Variants in HIBCH observed in about 807,000 individuals in gnomAD.
The protein encoded by HIBCH is 3-hydroxyisobutyryl-CoA hydrolase, mitochondrial.
A neutral mutation model predicts 58.2 loss-of-function variants in HIBCH; 50 were observed. The ratio of observed to expected loss-of-function variants is 0.86; its 90% confidence interval spans 0.68 to 1.09. The LOEUF is 1.09. Among genes scored for constraint, HIBCH ranks in the 50% least tolerant of loss-of-function variants. The pLI, the probability that HIBCH is intolerant of heterozygous loss-of-function variation, is 0.00. For missense variants in HIBCH, 450 were observed against 449.7 expected (o/e 1.00, Z -0.01); for synonymous variants, 151 against 146.9 (o/e 1.03, Z -0.20).
At position 190,206,359 on chromosome 2, in the gene HIBCH, G is replaced by A. The variant is rs1406411875; in HGVS notation, c.1046-1127C>T. On this transcript the variant is annotated intron_variant, in intron 13 of 13. Coordinates refer to ENST00000359678, the MANE Select transcript of HIBCH (RefSeq NM_014362.4). The surrounding 1 kb of genome is among the most constrained non-coding windows in gnomAD (Gnocchi z 5.1). ...GACAGTGTAAACAAAGAACAACCCC[G>A]GCACATTTTTTCCACAAGAATCTCT... Among the ~76,000 whole-genome samples, 2 of 152,082 alleles carry A rather than the reference G, an allele frequency of 1.3e-5. No homozygotes were observed. Among genetic ancestry groups the A allele is most frequent in the South Asian group, 2.1e-4 (1 of 4,818 alleles).
chr2:190,240,835 TCTGAGAGA>T (rs1575717388), intron 11 of HIBCH, among the ~76,000 whole-genome samples: 1 of 152,236 alleles, frequency 6.6e-6, no homozygotes, highest in Non-Finnish European at 1.5e-5. Flanking sequence ...TGCACTGCGG[TCTGAGAGA>T]CTGTTATGAT....
Position 190,279,299 on chromosome 2 carries a change from A to G in HIBCH, c.438+8287T>C, listed in dbSNP as rs1436240214. 1.3e-5 allele frequency among the ~76,000 whole-genome samples: 2 copies of G among 152,152 alleles called. No individual in the cohort carries two copies. The highest frequency in any genetic ancestry group is 2.9e-5 in the Non-Finnish European group (2 of 68,024). On this transcript the variant is annotated intron_variant, in intron 6 of 13. Transcript: ENST00000359678. The surrounding 1 kb of genome is among the most constrained non-coding windows in gnomAD (Gnocchi z 4.2). ...CTGTTACATTCAGGATTAAGTTTCA[A>G]CATGAGTTTCGGTGGGGACAAATAT...
chr2:190,314,307 A>ATG (rs1491099156), intron 1 of HIBCH, among the ~76,000 whole-genome samples: 2 of 11,538 alleles, frequency 1.7e-4, no homozygotes, highest in Non-Finnish European at 6.7e-4. Context: ...ATACATATAT[A>ATG]TGTGTATATA....
At chr2:190,202,917 T>C (rs952473744), downstream of HIBCH, 1 of 167,092 alleles carries the variant, frequency 6.0e-6, no homozygotes, top group African/African-American at 2.4e-5. Flanking sequence ...ATGCCTTTGA[T>C]CCTAAAATTC....
At chr2:190,237,179 T>TA (rs1228761400) in intron 11 of HIBCH, among the ~76,000 whole-genome samples, 1 of 152,222 alleles carries the variant, frequency 6.6e-6, no homozygotes, top group Non-Finnish European at 1.5e-5. Flanking sequence ...TACAGTTGTA[T>TA]AATTAGCCCC....
chr2:190,277,404 C>CA (rs1347078745), intron 6 of HIBCH, among the ~76,000 whole-genome samples: 1 of 152,150 alleles, frequency 6.6e-6, no homozygotes, highest in Non-Finnish European at 1.5e-5. Context: ...CCGTGGGAAC[C>CA]AAGCTCTGTG....
chr2:190,269,736 G>A lies in HIBCH; in HGVS notation c.439-8502C>T, dbSNP rs573467301. On this transcript the variant is annotated intron_variant, in intron 6 of 13. Transcript: ENST00000359678. Reference sequence around the variant, plus strand: ...CCCATTACTGGGTATATACCCAAAGGATTATAAATCATTCTACTATAAAGA... The same window carrying A: ...CCCATTACTGGGTATATACCCAAAGAATTATAAATCATTCTACTATAAAGA... 3.9e-5 allele frequency among the ~76,000 whole-genome samples: 6 copies of A among 152,242 alleles called. No homozygotes were observed. In the South Asian group the frequency reaches 1.0e-3, roughly 26 times the overall value.
Position 190,318,694 on chromosome 2 carries a change from TCTATTTG to T in HIBCH, c.35+1015_35+1021del, listed in dbSNP as rs1244870072. Reference sequence around the variant, plus strand: ...CAAACATGTCTTTCCAGTTTGTTTCTCTATTTGCTATTTGCTGACAACACTGAAAAAG... The same window carrying T: ...CAAACATGTCTTTCCAGTTTGTTTCTCTATTTGCTGACAACACTGAAAAAG... On this transcript the variant is annotated intron_variant, in intron 1 of 13. Coordinates refer to ENST00000359678, the MANE Select transcript of HIBCH (RefSeq NM_014362.4). 2.0e-5 allele frequency among the ~76,000 whole-genome samples: 3 copies of T among 152,342 alleles called. No individual in the cohort carries two copies. In the East Asian group the frequency reaches 5.8e-4, roughly 29 times the overall value.
At chr2:190,300,509 T>C (rs2582749) in intron 2 of HIBCH, among the ~76,000 whole-genome samples, 108,763 of 151,726 alleles carry the variant, frequency 0.72, 39,552 homozygotes, top group Non-Finnish European at 0.75. Flanking sequence ...CATTTTTTAA[T>C]GGGGTTGTTT....
At chr2:190,311,911 C>G (rs1559067040) in intron 1 of HIBCH, among the ~76,000 whole-genome samples, 1 of 152,086 alleles carries the variant, frequency 6.6e-6, no homozygotes, top group Non-Finnish European at 1.5e-5. Context: ...ACAGCTTGAC[C>G]AAAGTGACCA....
rs72627904 is a variant in HIBCH, at chr2:190,215,164, T to C, written c.892-2089A>G. On this transcript the variant is annotated intron_variant, in intron 11 of 13. Coordinates refer to ENST00000359678, the MANE Select transcript of HIBCH (RefSeq NM_014362.4). This position sits in a 1 kb window ranked among gnomAD's most constrained non-coding sequence, Gnocchi z 4.4. ...AGCTAGATCAATTTTTAGGACCCAA[T>C]TTTTATACTTAGGCTGAGATGATGT... 0.2 allele frequency: 31,055 copies of C among 151,974 alleles called. 3,408 individuals carry two copies. The highest frequency in any genetic ancestry group is 0.32 in the East Asian group (1,635 of 5,164). The allele number at this position is 151,974 out of a possible 1,614,324, so 9.4% of individuals were successfully genotyped here.
chr2:190,309,083 A>T (rs1688488198), intron 2 of HIBCH, among the ~76,000 whole-genome samples: 1 of 152,208 alleles, frequency 6.6e-6, no homozygotes, highest in Non-Finnish European at 1.5e-5. Context: ...AAAACACCCC[A>T]AGAGAAGTCT....
intron 6 of HIBCH, among the ~76,000 whole-genome samples, chr2:190,275,143 T>C (rs7599085): frequency 0.2 from 30,991 of 152,000 alleles, 3,406 homozygotes; most frequent in East Asian, 0.32. Flanking sequence ...TTGAGTTAGG[T>C]TGGGGAACCA....
intron 6 of HIBCH, among the ~76,000 whole-genome samples, chr2:190,265,774 T>C (rs1687215910): frequency 1.3e-5 from 2 of 152,204 alleles, no homozygotes; most frequent in South Asian, 4.1e-4. Context: ...CATCAAAATT[T>C]TGAAATATAT....
chr2:190,265,447 C>G (rs1463000562), intron 6 of HIBCH, among the ~76,000 whole-genome samples: 1 of 137,718 alleles, frequency 7.3e-6, no homozygotes, highest in East Asian at 2.3e-4. Flanking sequence ...CTGTTCCAAT[C>G]TTTTGCTCTT....
chr2:190,257,894 C>T (rs1434161072), intron 7 of HIBCH, among the ~76,000 whole-genome samples: 1 of 152,172 alleles, frequency 6.6e-6, no homozygotes, highest in Non-Finnish European at 1.5e-5. Context: ...CTCAACACTG[C>T]TGAGTTGGGA....
rs998447268 is a variant in HIBCH, at chr2:190,304,852, C to A, written c.78+5902G>T. The stretch of plus-strand genomic sequence containing the variant: ...TAAAACAAAGTATAAAGAACTAAAG[C>A]ATTTAGAGATAAAATAGGACGAATA... On this transcript the variant is annotated intron_variant, in intron 2 of 13. Coordinates refer to ENST00000359678, the MANE Select transcript of HIBCH (RefSeq NM_014362.4). This position sits in a 1 kb window ranked among gnomAD's most constrained non-coding sequence, Gnocchi z 4.1. Among the ~76,000 whole-genome samples the A allele has an allele frequency of 6.6e-6, 1 of 152,054 alleles. No individual in the cohort carries two copies. The highest frequency in any genetic ancestry group is 2.1e-4 in the South Asian group (1 of 4,826).
At chr2:190,212,261 T>C (rs547314572) in intron 12 of HIBCH, among the ~76,000 whole-genome samples, 34 of 152,210 alleles carry the variant, frequency 2.2e-4, no homozygotes, top group African/African-American at 8.0e-4. Context: ...ATGAACTACA[T>C]TGAACATCTT....
In HIBCH at chr2:190,254,327, G is replaced by C. The variant is rs1339556177; in HGVS notation, c.518-2020C>G. Among the ~76,000 whole-genome samples the C allele has an allele frequency of 4.6e-5, 7 of 152,156 alleles. No homozygotes were observed. The highest frequency in any genetic ancestry group is 1.0e-4 in the Non-Finnish European group (7 of 68,014). On this transcript the variant is annotated intron_variant, in intron 7 of 13. Transcript: ENST00000359678. The surrounding 1 kb of genome is among the most constrained non-coding windows in gnomAD (Gnocchi z 5.0). ...CATGTGAACAGAGAAAAGGCCACAT[G>C]AGGACAGAGCAAGAAGGCAGCAGTC...
Sources: gnomAD v4.1 joint callset for allele counts (sites outside exome capture counted in the v4.1 genomes callset) on GRCh38, gnomAD v4.1.1 for gene constraint, Gnocchi (gnomAD v3.1) non-coding constraint, MANE v1.5 for transcripts, NCBI Gene and HGNC (gene_info 2026-07-23, HGNC 2026-07-21) for gene names.